Variants in MTMR7 observed in about 807,000 individuals in gnomAD.
MTMR7 encodes the protein phosphatidylinositol-3-phosphate phosphatase MTMR7.
A neutral mutation model predicts 81.2 loss-of-function variants in MTMR7; 76 were observed. That is an observed-to-expected ratio of 0.94 (90% CI 0.78 to 1.13). The LOEUF (loss-of-function observed/expected upper bound fraction) is 1.13. Ranked by LOEUF, MTMR7 falls within the 50% of genes most tolerant of loss-of-function variation. MTMR7 has a pLI of 0.00. For missense variants in MTMR7, 1,044 were observed against 820.0 expected (o/e 1.27, Z -3.34); for synonymous variants, 372 against 289.8 (o/e 1.28, Z -2.88).
At position 17,300,137 on chromosome 8, in the gene MTMR7, T is replaced by C; in HGVS notation, c.1708A>G (p.Thr570Ala). Reference sequence around the variant, plus strand: ...GTGTTGGCTATGCTGTTGTCTGAGGTAGAAAACCCTGAGTGCTTGCTGGGC... The same window carrying C: ...GTGTTGGCTATGCTGTTGTCTGAGGCAGAAAACCCTGAGTGCTTGCTGGGC... ...SEPSKHSGFS[T>A]SDNSIANTPQ... The change falls in exon 14 of 14, where the codon ACC (threonine) becomes GCC (alanine). Residue 570 changes from threonine (T) to alanine (A), a missense_variant. Transcript: ENST00000180173. The C allele has an allele frequency of 6.2e-7, 1 of 1,614,156 alleles. No individual in the cohort carries two copies. Among genetic ancestry groups the C allele is most frequent in the Non-Finnish European group, 8.5e-7 (1 of 1,180,016 alleles).
At chr8:17,320,690 G>A (rs756606) in intron 7 of MTMR7, among the ~76,000 whole-genome samples, 25,621 of 152,200 alleles carry the variant, frequency 0.17, 2,733 homozygotes, top group Admixed American at 0.25. Context: ...GAGCAAGCTC[G>A]GCCCTTCTGG....
In MTMR7 at chr8:17,302,210, T is replaced by G. The variant is rs1369315944; in HGVS notation, c.1564A>C (p.Met522Leu). ...TGCTGAGTTTCTTCCTTCACTGCCA[T>G]TAGGTAATCTGTAACTGACTGTCGG... ...QPRQSVTDYL[M>L]AVKEETQQLE... Residue 522 changes from methionine (M) to leucine (L), a missense_variant, in exon 13 of 14, where the codon ATG becomes CTG. By Grantham distance (15) the Met-to-Leu change is conservative. Transcript: ENST00000180173. 17 of 1,613,962 alleles carry G rather than the reference T, an allele frequency of 1.1e-5. No individual in the cohort carries two copies. The highest frequency in any genetic ancestry group is 1.4e-5 in the Non-Finnish European group (17 of 1,179,976).
chr8:17,378,013 G>A (rs1243082356), intron 1 of MTMR7, among the ~76,000 whole-genome samples: 1 of 152,154 alleles, frequency 6.6e-6, no homozygotes, highest in Non-Finnish European at 1.5e-5. Flanking sequence ...AGAAGTAGAG[G>A]AAGCTGTATC....
chr8:17,338,066 A>T (rs77412808), intron 6 of MTMR7, among the ~76,000 whole-genome samples: 433 of 152,226 alleles, frequency 2.8e-3, no homozygotes, highest in African/African-American at 9.9e-3. Flanking sequence ...GGCCTAACAC[A>T]CTCTGGAACA....
At chr8:17,336,176 T>G (rs1819231253) in intron 6 of MTMR7, among the ~76,000 whole-genome samples, 1 of 152,196 alleles carries the variant, frequency 6.6e-6, no homozygotes, top group African/African-American at 2.4e-5. Flanking sequence ...AAAAAGGAGA[T>G]GCGCCTTGGC....
intron 1 of MTMR7, among the ~76,000 whole-genome samples, chr8:17,379,716 A>T (rs909231806): frequency 6.6e-6 from 1 of 152,216 alleles, no homozygotes; most frequent in Non-Finnish European, 1.5e-5. Context: ...CCATAATCCA[A>T]CACAAGCACT....
At chr8:17,304,123 G>C (rs1817301266) in intron 12 of MTMR7, among the ~76,000 whole-genome samples, 3 of 152,052 alleles carry the variant, frequency 2.0e-5, no homozygotes, top group African/African-American at 7.2e-5. Flanking sequence ...AAAATAAATT[G>C]GAACTTAACC....
intron 5 of MTMR7, among the ~76,000 whole-genome samples, chr8:17,346,327 C>T (rs1170288295): frequency 6.6e-6 from 1 of 152,156 alleles, no homozygotes; most frequent in Non-Finnish European, 1.5e-5. Context: ...TGGGGTAACC[C>T]GATCACGCAG....
intron 13 of MTMR7, 116 bp downstream of exon 13, chr8:17,302,038 T>C (rs1817151466): frequency 7.2e-7 from 1 of 1,382,330 alleles, no homozygotes; most frequent in Non-Finnish European, 1.0e-6. Context: ...TCAGGTGTTC[T>C]ACTGACTAAA....
chr8:17,343,794 A>G (rs1030324660), intron 5 of MTMR7, among the ~76,000 whole-genome samples: 1 of 152,212 alleles, frequency 6.6e-6, no homozygotes, highest in Non-Finnish European at 1.5e-5. Flanking sequence ...TTTTCATTGA[A>G]TCAGTAATTG....
At chr8:17,349,188 C>G in intron 4 of MTMR7, 107 bp from the exon 5 acceptor site, 1 of 1,362,954 alleles carries the variant, frequency 7.3e-7, no homozygotes, top group South Asian at 1.3e-5. Flanking sequence ...CTTAAGTTCC[C>G]TTAACCATGT....
At chr8:17,304,984 G>C (rs963718653) in intron 11 of MTMR7, among the ~76,000 whole-genome samples, 6 of 152,082 alleles carry the variant, frequency 3.9e-5, no homozygotes, top group African/African-American at 1.2e-4. Context: ...GCCATATTCA[G>C]ACCCAAGCAG....
chr8:17,350,434 G>T (rs1819694162), intron 4 of MTMR7, among the ~76,000 whole-genome samples: 1 of 152,172 alleles, frequency 6.6e-6, no homozygotes, highest in Admixed American at 6.5e-5. Flanking sequence ...TAGGGGAACT[G>T]CCCTTTATAA....
At chr8:17,350,670 G>C (rs1025359989) in intron 4 of MTMR7, among the ~76,000 whole-genome samples, 32 of 152,164 alleles carry the variant, frequency 2.1e-4, no homozygotes, top group Admixed American at 1.9e-3. Context: ...CACTCTGGAA[G>C]ATGGGTTTGT....
rs372246791 is a variant in MTMR7, at chr8:17,375,480, G to GTTTT, written c.25-2244_25-2241dup. 8.4e-3 allele frequency among the ~76,000 whole-genome samples: 1,154 copies of GTTTT among 136,608 alleles called. 30 individuals are homozygous for GTTTT. In the East Asian group the frequency reaches 0.085, roughly 10 times the overall value. The allele number at this position is 136,608 out of a possible 152,430, so 89.6% of individuals were successfully genotyped here. The stretch of plus-strand genomic sequence containing the variant: ...CAGTGCCCTTCACCTACTAGCTTAT[G>GTTTT]TTTTTTTTTTTTTTTTACAAGAATT... On this transcript the variant is annotated intron_variant, in intron 1 of 13. Transcript: ENST00000180173.
chr8:17,380,370 T>C (rs1037797550), intron 1 of MTMR7, among the ~76,000 whole-genome samples: 1 of 152,206 alleles, frequency 6.6e-6, no homozygotes, highest in African/African-American at 2.4e-5. Flanking sequence ...CCCTGAATTA[T>C]AGGTTCTTGC....
At chr8:17,313,194 C>CA (rs1180525210) in intron 8 of MTMR7, 98 bp downstream of exon 8, 8 of 807,312 alleles carry the variant, frequency 9.9e-6, no homozygotes, top group Non-Finnish European at 1.6e-5. Flanking sequence ...CAGTGCAGTG[C>CA]AGCTTAAGAC....
chr8:17,357,570 A>T (rs1011255080), intron 4 of MTMR7, among the ~76,000 whole-genome samples: 1 of 152,274 alleles, frequency 6.6e-6, no homozygotes, highest in Non-Finnish European at 1.5e-5. Flanking sequence ...CCTCATAGCT[A>T]TCACAAAATG....
intron 5 of MTMR7, among the ~76,000 whole-genome samples, chr8:17,346,842 G>C (rs549733623): frequency 1.3e-4 from 17 of 131,104 alleles, no homozygotes; most frequent in Non-Finnish European, 2.3e-4. Flanking sequence ...AATTTCAAGT[G>C]CAACATCATG....
Sources: gnomAD v4.1 joint callset for allele counts (sites outside exome capture counted in the v4.1 genomes callset) on GRCh38, gnomAD v4.1.1 for gene constraint, MANE v1.5 for transcripts, NCBI Gene and HGNC (gene_info 2026-07-23, HGNC 2026-07-21) for gene names.